Variants in STRADA observed in about 807,000 individuals in gnomAD.
STRADA encodes the protein STE20 related adaptor alpha, also known as STE20-related kinase adapter protein alpha.
In STRADA, 26 loss-of-function variants were observed where a neutral mutation model predicts 55.0. The ratio of observed to expected loss-of-function variants is 0.47; its 90% CI spans 0.35 to 0.66. The LOEUF (loss-of-function observed/expected upper bound fraction) is 0.66. Ranked by LOEUF, STRADA falls within the 30% of genes least tolerant of loss-of-function variation. The pLI, the probability that STRADA is intolerant of heterozygous loss-of-function variation, is 0.01. For missense variants in STRADA, 443 were observed against 549.7 expected, an observed-to-expected ratio of 0.81 and a Z score of 1.94; for synonymous variants, 197 against 210.9, an observed-to-expected ratio of 0.93 and a Z score of 0.57.
In STRADA at chr17:63,707,293, T is replaced by C. The variant is rs746686925; in HGVS notation, c.707A>G (p.Tyr236Cys). Residue 236 changes from tyrosine (Y) to cysteine (C), a missense_variant, in exon 9 of 13, where the codon TAC becomes TGC. Physicochemically the swap from Tyr to Cys is radical, Grantham distance 194. Transcript: ENST00000336174. The part of the protein sequence containing the change: ...RQRVVHDFPK[Y>C]SVKVLPWLSP... The stretch of plus-strand genomic sequence containing the variant: ...GAGCCACGGCAGAACCTTGACACTG[T>C]ACTTGGGAAAATCGTGGACCACTCG... 6.8e-6 allele frequency: 11 copies of C among 1,614,166 alleles called. No homozygotes were observed. Among genetic ancestry groups the C allele is most frequent in the South Asian group, 5.5e-5 (5 of 91,088 alleles).
At chr17:63,714,542 AG>A (rs1469430705) in intron 4 of STRADA, 56 of 254,676 alleles carry the variant, frequency 2.2e-4, no homozygotes, top group African/African-American at 9.6e-4. Context: ...AGATCCCAAA[AG>A]GTCAAACGCT....
chr17:63,705,199 G>A (rs2036002647), intron 10 of STRADA: 1 of 538,942 alleles, frequency 1.9e-6, no homozygotes, highest in Non-Finnish European at 3.3e-6. Flanking sequence ...TTGCTCTAGA[G>A]CTGCACTAAC....
Position 63,714,010 on chromosome 17 carries a change from C to G in STRADA, c.222G>C (p.Val74=). Residue 74 remains valine, a synonymous_variant, in exon 5 of 13, where the codon GTG becomes GTC. Coordinates refer to ENST00000336174, the MANE Select transcript of STRADA (RefSeq NM_001003787.4). ...AAGGACGGCCCCTGCACATACCTAT[C>G]ACAGTGAGCAGCTCGTAACACCCTC... ...PEGGCYELLT[V]IGKGFEDLMT... is the part of the protein sequence containing the mutation. 6.2e-7 allele frequency: 1 copy of G among 1,613,532 alleles called. No homozygotes were observed. The highest frequency in any genetic ancestry group is 8.5e-7 in the Non-Finnish European group (1 of 1,179,482).
rs1390181125 is a variant in STRADA at position 63,740,141 on chromosome 17, T to TACAC, written c.-45+1599_-45+1600insGTGT. Reference sequence around the variant, plus strand: ...ACATATATATATACACATACATATATATATATACACACACACACACACACA... The same window carrying TACAC: ...ACATATATATATACACATACATATATACACATATATACACACACACACACACACA... On this transcript the variant is annotated intron_variant, in intron 1 of 12. Transcript: ENST00000336174. Among the ~76,000 whole-genome samples, 104 of 41,568 alleles carry TACAC rather than the reference T, an allele frequency of 2.5e-3. 1 individual carries two copies. Among genetic ancestry groups the TACAC allele is most frequent in the African/African-American group, 0.01 (90 of 8,676 alleles). 27.3% of individuals were successfully genotyped at this position (41,568 alleles called of 152,430 possible).
At chr17:63,710,444 G>A (rs1234269252) in intron 8 of STRADA, 47 bp downstream of exon 8, 1 of 1,610,432 alleles carries the variant, frequency 6.2e-7, no homozygotes, top group African/African-American at 1.3e-5. Context: ...AGGCTCAGGG[G>A]CATAGCTACC....
chr17:63,718,319 A>C (rs1461684616), intron 4 of STRADA, among the ~76,000 whole-genome samples: 1 of 152,206 alleles, frequency 6.6e-6, no homozygotes, highest in East Asian at 1.9e-4. Context: ...GGTGAGAGAG[A>C]TACACAACCA....
chr17:63,723,514 G>A lies in STRADA; in HGVS notation c.95-188C>T, dbSNP rs553403393. ...ATCCACAGTAAAAATGCTGCAGAGA[G>A]ATAGGGCTTTAAACATGGATCTATG... On this transcript the variant is annotated intron_variant, in intron 3 of 12. Coordinates refer to ENST00000336174, the MANE Select transcript of STRADA (RefSeq NM_001003787.4). 136 of 624,814 alleles carry A rather than the reference G, an allele frequency of 2.2e-4. 1 individual carries two copies. The South Asian group carries it at 2.6e-3, about 12-fold the overall frequency. The allele number at this position is 624,814 out of a possible 1,614,324, so 38.7% of individuals were successfully genotyped here.
Position 63,713,478 on chromosome 17 carries a change from T to C in STRADA, c.276A>G (p.Pro92=). 1.2e-6 allele frequency: 2 copies of C among 1,614,214 alleles called. No individual in the cohort carries two copies. The highest frequency in any genetic ancestry group is 1.7e-6 in the Non-Finnish European group (2 of 1,180,024). The part of the protein sequence containing the change: ...LMTVNLARYK[P]TGEYVTVRRI... ...TCCGTACAGTCACGTACTCTCCTGT[T>C]GGTTTGTACCTTGCTAGATTCACAG... Residue 92 remains proline (P), a synonymous_variant, in exon 6 of 13, where the codon CCA becomes CCG. Coordinates refer to ENST00000336174, the MANE Select transcript of STRADA (RefSeq NM_001003787.4).
chr17:63,723,905 A>C (rs2037474435), intron 3 of STRADA: 1 of 152,278 alleles, frequency 6.6e-6, no homozygotes, highest in South Asian at 2.1e-4. Context: ...AAAATGAACA[A>C]AACAAAGGAC....
chr17:63,708,392 G>A (rs532239554), intron 8 of STRADA, among the ~76,000 whole-genome samples: 1 of 151,536 alleles, frequency 6.6e-6, no homozygotes, highest in African/African-American at 2.4e-5. Context: ...TAGAGACAGG[G>A]TTTCACCATG....
intron 1 of STRADA, among the ~76,000 whole-genome samples, chr17:63,733,927 T>G (rs143095113): frequency 3.3e-5 from 5 of 152,332 alleles, no homozygotes; most frequent in African/African-American, 1.2e-4. Flanking sequence ...TGCTCCTGGT[T>G]TCCCCCAGAC....
chr17:63,738,004 A>G (rs532961797), intron 1 of STRADA, among the ~76,000 whole-genome samples: 2 of 151,498 alleles, frequency 1.3e-5, no homozygotes, highest in Non-Finnish European at 2.9e-5. Context: ...AGAAAAGAGA[A>G]GAGAAAAGAA....
At position 63,732,536 on chromosome 17, in the gene STRADA, C is replaced by T. The variant is rs576182571; in HGVS notation, c.-44-4123G>A. Among the ~76,000 whole-genome samples, 4 of 151,486 alleles carry T rather than the reference C, an allele frequency of 2.6e-5. No homozygotes were observed. The East Asian group carries it at 7.8e-4, about 29-fold the overall frequency. ...GTAGGCCGGGCGTGGTGGTTCATGT[C>T]TGTAGTCCCAGCACTTTGGGAGGCT... On this transcript the variant is annotated intron_variant, in intron 1 of 12. Transcript: ENST00000336174.
intron 1 of STRADA, among the ~76,000 whole-genome samples, chr17:63,731,288 G>A (rs2038036792): frequency 7.6e-6 from 1 of 131,462 alleles, no homozygotes; most frequent in African/African-American, 2.9e-5. Context: ...TTCTGAGACG[G>A]AGTCTTGCCA....
In STRADA at chr17:63,731,836, G is replaced by T. The variant is rs9899624; in HGVS notation, c.-44-3423C>A. On this transcript the variant is annotated intron_variant, in intron 1 of 12. Transcript: ENST00000336174. ...GTTTCTATGGTCTGGAAAAATTTTG[G>T]AATTTAAAAATAAAATCAAATTTTC... is the stretch of plus-strand genomic sequence containing the variant. Among the ~76,000 whole-genome samples the T allele has an allele frequency of 8.5e-5, 13 of 152,138 alleles. No individual in the cohort carries two copies. In the East Asian group the frequency reaches 2.3e-3, roughly 27 times the overall value.
intron 1 of STRADA, among the ~76,000 whole-genome samples, chr17:63,739,769 TATGTACATATATACATATA>T (rs1288232382): frequency 1.8e-4 from 20 of 109,024 alleles, no homozygotes; most frequent in African/African-American, 7.3e-4. Context: ...TTTATGTATA[TATGTACATATATACATATA>T]ATGTACATAA....
At chr17:63,712,635 G>A (rs1401519369) in intron 6 of STRADA, 1 of 152,012 alleles carries the variant, frequency 6.6e-6, no homozygotes, top group Non-Finnish European at 1.5e-5. Flanking sequence ...TTGAGCCCAG[G>A]AGGTTAAGGC....
intron 4 of STRADA, among the ~76,000 whole-genome samples, chr17:63,721,978 GATC>G (rs1459018815): frequency 6.6e-6 from 1 of 152,182 alleles, no homozygotes; most frequent in Non-Finnish European, 1.5e-5. Context: ...AAGAAGTCTA[GATC>G]ATCTGACATT....
intron 4 of STRADA, among the ~76,000 whole-genome samples, chr17:63,717,926 T>C (rs894568788): frequency 2.0e-5 from 3 of 151,920 alleles, no homozygotes; most frequent in African/African-American, 4.8e-5. Context: ...GATCACTAAA[T>C]TTTTAAAAAT....
Sources: gnomAD v4.1 joint callset for allele counts (sites outside exome capture counted in the v4.1 genomes callset) on GRCh38, gnomAD v4.1.1 for gene constraint, MANE v1.5 for transcripts, NCBI Gene and HGNC (gene_info 2026-07-23, HGNC 2026-07-21) for gene names.